The following ZBTB20 variants were observed in gnomAD, a reference collection of about 807,000 sequenced individuals.
The protein encoded by ZBTB20 is zinc finger and BTB domain containing 20.
Under a neutral mutation model 56.9 loss-of-function variants are expected in ZBTB20, and 9 were observed. That is an observed-to-expected ratio of 0.16 (90% CI 0.10 to 0.28). The LOEUF (loss-of-function observed/expected upper bound fraction) is 0.28. ZBTB20 is among the 10% of genes least tolerant of loss of function. The pLI is 1.00. For missense variants in ZBTB20, 655 were observed against 1,003.0 expected (o/e 0.65, Z 4.69); for synonymous variants, 417 against 420.7 (o/e 0.99, Z 0.11).
At chr3:114,797,280 C>CA (rs2071398069) in intron 5 of ZBTB20, among the ~76,000 whole-genome samples, 1 of 151,674 alleles carries the variant, frequency 6.6e-6, no homozygotes, top group Non-Finnish European at 1.5e-5. Context: ...TCATGACCTA[C>CA]TAATGCGTTG....
At chr3:114,911,349 G>A (rs1475023196) in intron 3 of ZBTB20, among the ~76,000 whole-genome samples, 1 of 151,972 alleles carries the variant, frequency 6.6e-6, no homozygotes, top group East Asian at 1.9e-4. Context: ...TGCCTCAGGT[G>A]ACAGTCATTT....
In ZBTB20 at chr3:115,110,143, C is replaced by T. The variant is rs370661188; in HGVS notation, c.-703+37076G>A. Among the ~76,000 whole-genome samples, 357 of 150,442 alleles carry T rather than the reference C, an allele frequency of 2.4e-3. 2 individuals carry two copies. Among genetic ancestry groups the T allele is most frequent in the African/African-American group, 8.5e-3 (348 of 40,854 alleles). On this transcript the variant is annotated intron_variant, in intron 1 of 11. Coordinates refer to ENST00000675478, the MANE Select transcript of ZBTB20 (RefSeq NM_001348800.3). ...AAGAGAATCACTTGAACCCGGGAGGCGGAGGTTGCAGTGAGCAGAGATCAC... is the reference window on the plus strand; with the variant it reads ...AAGAGAATCACTTGAACCCGGGAGGTGGAGGTTGCAGTGAGCAGAGATCAC...
intron 1 of ZBTB20, among the ~76,000 whole-genome samples, chr3:115,112,703 T>C (rs567267149): frequency 3.3e-5 from 5 of 152,354 alleles, no homozygotes; most frequent in African/African-American, 1.2e-4. Flanking sequence ...ATTTGTCCAC[T>C]GATGGACACT....
intron 6 of ZBTB20, among the ~76,000 whole-genome samples, chr3:114,582,871 C>G (rs973101867): frequency 3.3e-5 from 5 of 152,156 alleles, no homozygotes; most frequent in African/African-American, 9.7e-5. Flanking sequence ...GAATCAAAAG[C>G]AAAAGTTTTC....
intron 7 of ZBTB20, among the ~76,000 whole-genome samples, chr3:114,466,364 T>A (rs548356374): frequency 6.6e-6 from 1 of 152,318 alleles, no homozygotes. Flanking sequence ...GGCACACAAC[T>A]AATAAGTGGC....
intron 3 of ZBTB20, among the ~76,000 whole-genome samples, chr3:114,962,075 T>C (rs975877380): frequency 6.6e-6 from 1 of 151,964 alleles, no homozygotes; most frequent in Non-Finnish European, 1.5e-5. Flanking sequence ...CAGGGAAAAA[T>C]TAGGGGTTTT....
chr3:115,045,674 A>C (rs1425418107), intron 2 of ZBTB20, among the ~76,000 whole-genome samples: 1 of 152,128 alleles, frequency 6.6e-6, no homozygotes, highest in African/African-American at 2.4e-5. Flanking sequence ...GAAAGGAAAA[A>C]CCAAATAAGA....
chr3:114,929,305 A>G (rs1395883369), intron 3 of ZBTB20, among the ~76,000 whole-genome samples: 1 of 152,228 alleles, frequency 6.6e-6, no homozygotes, highest in Non-Finnish European at 1.5e-5. Context: ...GAAAACTAGC[A>G]GTCGGTTGAA....
rs936065071 is a variant in ZBTB20, at chr3:114,355,671, A to G, written c.200-3793T>C. Among the ~76,000 whole-genome samples, 23 of 152,348 alleles carry G rather than the reference A, an allele frequency of 1.5e-4. 1 individual carries two copies. In the East Asian group the frequency reaches 3.5e-3, roughly 23 times the overall value. On this transcript the variant is annotated intron_variant, in intron 10 of 11. Transcript: ENST00000675478. ...AATGGGCATTAATGTATAGATTCCAATGGAATAAATCTGAAATACTCTACT... is the reference window on the plus strand; with the variant it reads ...AATGGGCATTAATGTATAGATTCCAGTGGAATAAATCTGAAATACTCTACT...
At chr3:114,585,863 G>T (rs1216217839) in intron 6 of ZBTB20, among the ~76,000 whole-genome samples, 1 of 152,230 alleles carries the variant, frequency 6.6e-6, no homozygotes, top group Admixed American at 6.5e-5. Context: ...TACAGTATCA[G>T]CTAACTTCAG....
At chr3:114,934,012 G>A (rs912588994) in intron 3 of ZBTB20, among the ~76,000 whole-genome samples, 3 of 152,082 alleles carry the variant, frequency 2.0e-5, no homozygotes, top group Non-Finnish European at 4.4e-5. Flanking sequence ...ACAGGAAAGG[G>A]TCAAGGTAAA....
intron 5 of ZBTB20, among the ~76,000 whole-genome samples, chr3:114,726,891 A>AAG (rs1219120000): frequency 7.3e-6 from 1 of 137,056 alleles, no homozygotes; most frequent in African/African-American, 2.8e-5. Flanking sequence ...CAGCCTGGGC[A>AAG]AGAGAGAGAG....
chr3:114,810,342 A>G lies in ZBTB20; in HGVS notation c.-416-9168T>C, dbSNP rs775243143. ...CAGTTCTTTTCTACTCTGAATTGTA[A>G]CTTCAGGCTACATATGATGTTTATT... is the stretch of plus-strand genomic sequence containing the variant. On this transcript the variant is annotated intron_variant, in intron 4 of 11. Coordinates refer to ENST00000675478, the MANE Select transcript of ZBTB20 (RefSeq NM_001348800.3). Among the ~76,000 whole-genome samples the G allele has an allele frequency of 5.3e-4, 81 of 152,274 alleles. 1 individual carries two copies. The highest frequency in any genetic ancestry group is 3.4e-3 in the Middle Eastern group (1 of 294).
At chr3:115,071,519 C>G (rs2082409083) in intron 1 of ZBTB20, 105 bp from the exon 2 acceptor site, 1 of 152,154 alleles carries the variant, frequency 6.6e-6, no homozygotes, top group African/African-American at 2.4e-5. Flanking sequence ...GATGCCTTTA[C>G]AAACTAAACA....
intron 7 of ZBTB20, among the ~76,000 whole-genome samples, chr3:114,396,849 C>A (rs2086375986): frequency 6.6e-6 from 1 of 152,168 alleles, no homozygotes; most frequent in Admixed American, 6.5e-5. Flanking sequence ...ATTAACACTT[C>A]TTTTCAACAG....
rs1223955896 is a variant in ZBTB20, at chr3:114,602,042, A to G, written c.-295+91486T>C. On this transcript the variant is annotated intron_variant, in intron 6 of 11. Transcript: ENST00000675478. Reference sequence around the variant, plus strand: ...ACAGGGGATACGTTAGATCAGTGGTAGAGAAAAGGTCCTCATATTTAATGA... The same window carrying G: ...ACAGGGGATACGTTAGATCAGTGGTGGAGAAAAGGTCCTCATATTTAATGA... 2.6e-5 allele frequency among the ~76,000 whole-genome samples: 4 copies of G among 152,046 alleles called. No homozygotes were observed. The East Asian group carries it at 7.7e-4, about 29-fold the overall frequency.
At chr3:115,014,155 T>G (rs748695677) in intron 2 of ZBTB20, among the ~76,000 whole-genome samples, 16 of 151,602 alleles carry the variant, frequency 1.1e-4, no homozygotes, top group Non-Finnish European at 2.1e-4. Flanking sequence ...TGAAATAAGC[T>G]AGGCACAGAA....
At chr3:114,893,956 G>A (rs1285460828) in intron 4 of ZBTB20, among the ~76,000 whole-genome samples, 1 of 152,134 alleles carries the variant, frequency 6.6e-6, no homozygotes, top group Non-Finnish European at 1.5e-5. Context: ...GAGTAAACAC[G>A]TCGGCAGTCA....
intron 6 of ZBTB20, among the ~76,000 whole-genome samples, chr3:114,683,310 T>C (rs1170061083): frequency 6.6e-6 from 1 of 152,168 alleles, no homozygotes; most frequent in Non-Finnish European, 1.5e-5. Flanking sequence ...GAACTTTCCA[T>C]TCCATTGTCA....
Sources: gnomAD v4.1 joint callset for allele counts (sites outside exome capture counted in the v4.1 genomes callset) on GRCh38, gnomAD v4.1.1 for gene constraint, MANE v1.5 for transcripts, NCBI Gene and HGNC (gene_info 2026-07-23, HGNC 2026-07-21) for gene names.